THAP6: variants seen among roughly 807,000 people sequenced by gnomAD.
THAP6 encodes the protein THAP domain containing 6, also known as THAP domain-containing protein 6.
THAP6 carries 13 observed loss-of-function variants against 20.0 expected under a neutral mutation model. The ratio of observed to expected loss-of-function variants is 0.65; its 90% CI spans 0.42 to 1.03. The LOEUF is 1.03. Ranked by LOEUF, THAP6 falls within the 50% of genes least tolerant of loss-of-function variation. The probability of loss-of-function intolerance (pLI) is 0.00; values close to 1 mark genes in which losing one functional copy is unlikely to be tolerated. For synonymous variants in THAP6, 93 were observed against 92.2 expected, an observed-to-expected ratio of 1.01 and a Z score of -0.05; for missense variants, 262 against 261.6, an observed-to-expected ratio of 1.00 and a Z score of -0.01.
At position 75,514,501 on chromosome 4, in the gene THAP6, C is replaced by G. The variant is rs754627645; in HGVS notation, c.-40C>G. On this transcript the variant is annotated 5_prime_UTR_variant, in exon 1 of 5. Coordinates refer to ENST00000311638, the MANE Select transcript of THAP6 (RefSeq NM_144721.6). ...CGCAGTCTCCGTCGTTGACGTTAGT[C>G]GCAGTCTTCGCTGCTAACGGTAATA... 1 of 524,480 alleles carries G rather than the reference C, an allele frequency of 1.9e-6. No individual in the cohort carries two copies. The highest frequency in any genetic ancestry group is 2.9e-5 in the East Asian group (1 of 34,596). The allele number at this position is 524,480 out of a possible 1,614,324, so 32.5% of individuals were successfully genotyped here.
chr4:75,516,897 C>T lies in THAP6; in HGVS notation c.206C>T (p.Thr69Ile), dbSNP rs773676952. The part of the protein sequence containing the change: ...DVLCSRHFKK[T>I]DFDRSAPNIK... ...TTGTGTTCGAGGCACTTTAAGAAGA[C>T]AGATTTTGACAGAAGTGCTCCAAAT... Residue 69 changes from threonine (T) to isoleucine (I), a missense_variant, in exon 3 of 5, where the codon ACA (threonine) becomes ATA (isoleucine). By Grantham distance (89) the Thr-to-Ile change is moderately conservative. Transcript: ENST00000311638. 2 of 1,613,840 alleles carry T rather than the reference C, an allele frequency of 1.2e-6. No individual in the cohort carries two copies. Among genetic ancestry groups the T allele is most frequent in the Non-Finnish European group, 1.7e-6 (2 of 1,179,982 alleles).
At position 75,518,118 on chromosome 4, in the gene THAP6, G is replaced by A. The variant is rs539406941; in HGVS notation, c.288+1139G>A. 1.5e-4 allele frequency among the ~76,000 whole-genome samples: 23 copies of A among 152,280 alleles called. No individual in the cohort carries two copies. In the South Asian group the frequency reaches 4.6e-3, roughly 30 times the overall value. ...AATATACAGTATCTTGGGAAAGTTGGTCTAGGGCTTTTGTTTTTTTTCCTA... is the reference window on the plus strand; with the variant it reads ...AATATACAGTATCTTGGGAAAGTTGATCTAGGGCTTTTGTTTTTTTTCCTA... On this transcript the variant is annotated intron_variant, in intron 3 of 4. Transcript: ENST00000311638.
At chr4:75,538,733 C>T (rs1266155147) in intron 2 of THAP6, among the ~76,000 whole-genome samples, 2 of 152,194 alleles carry the variant, frequency 1.3e-5, no homozygotes, top group Non-Finnish European at 2.9e-5. Flanking sequence ...AGAACACGCT[C>T]AAGATAAACA....
chr4:75,530,206 G>A (rs1248652949), downstream of THAP6, among the ~76,000 whole-genome samples: 1 of 152,098 alleles, frequency 6.6e-6, no homozygotes, highest in Non-Finnish European at 1.5e-5. Context: ...CTATCATAGA[G>A]CCCTTTTCTG....
intron 4 of THAP6, among the ~76,000 whole-genome samples, chr4:75,524,871 T>C (rs1726269086): frequency 6.6e-6 from 1 of 152,144 alleles, no homozygotes; most frequent in African/African-American, 2.4e-5. Context: ...TCCCTCCACC[T>C]CAGCCTCCTG....
At chr4:75,544,865 T>G (rs1251244427) in intron 3 of THAP6, among the ~76,000 whole-genome samples, 1 of 152,102 alleles carries the variant, frequency 6.6e-6, no homozygotes, top group Non-Finnish European at 1.5e-5. Context: ...TGGGTGAATT[T>G]TAAGGATACT....
Position 75,529,533 on chromosome 4 carries a change from G to C in THAP6, c.*2319G>C, listed in dbSNP as rs1308302921. 2.6e-5 allele frequency: 26 copies of C among 985,336 alleles called. No individual in the cohort carries two copies. The highest frequency in any genetic ancestry group is 6.0e-6 in the Non-Finnish European group (5 of 829,948). 61.0% of individuals were successfully genotyped at this position (985,336 alleles called of 1,614,324 possible). A position where few individuals can be genotyped will look rare whatever the true frequency, so the allele number is the denominator to read the frequency against. On this transcript the variant is annotated 3_prime_UTR_variant, in exon 5 of 5. Transcript: ENST00000311638. Reference sequence around the variant, plus strand: ...GGGAAGCAATTACTGATAGAAATGTGAGATTAAAAATAGGGTCCTCCCTGC... The same window carrying C: ...GGGAAGCAATTACTGATAGAAATGTCAGATTAAAAATAGGGTCCTCCCTGC...
chr4:75,515,041 G>C (rs1435804673), intron 1 of THAP6: 1 of 185,472 alleles, frequency 5.4e-6, no homozygotes, highest in Non-Finnish European at 1.2e-5. Context: ...TGTCCTGTGA[G>C]AGCTAATATT....
chr4:75,514,633 G>A (rs1214417644), intron 1 of THAP6, 113 bp downstream of exon 1: 2 of 216,890 alleles, frequency 9.2e-6, no homozygotes, highest in Non-Finnish European at 1.9e-5. Flanking sequence ...TGGCCCCAGA[G>A]GAAAGGACGC....
downstream of THAP6, among the ~76,000 whole-genome samples, chr4:75,531,161 A>C (rs889179731): frequency 1.3e-5 from 2 of 152,214 alleles, no homozygotes; most frequent in South Asian, 2.1e-4. Flanking sequence ...TGTACAGACA[A>C]GGTGGTTTAT....
In THAP6 at chr4:75,529,574, C is replaced by T. The variant is rs1184670943; in HGVS notation, c.*2360C>T. The stretch of plus-strand genomic sequence containing the variant: ...TCCTCCCTGCTGCTCCAAACAAATG[C>T]CTAAACACAGTATGTATCTCAGTCC... On this transcript the variant is annotated 3_prime_UTR_variant, in exon 5 of 5. Coordinates refer to ENST00000311638, the MANE Select transcript of THAP6 (RefSeq NM_144721.6). The T allele has an allele frequency of 2.0e-6, 2 of 985,304 alleles. No individual in the cohort carries two copies. The highest frequency in any genetic ancestry group is 3.5e-5 in the African/African-American group (2 of 57,230). The allele number at this position is 985,304 out of a possible 1,614,324, so 61.0% of individuals were successfully genotyped here.
At chr4:75,525,920 A>G (rs981769957) in intron 4 of THAP6, among the ~76,000 whole-genome samples, 1 of 152,108 alleles carries the variant, frequency 6.6e-6, no homozygotes, top group African/African-American at 2.4e-5. Context: ...TAGTTTCCTC[A>G]TGTGCATGTG....
At chr4:75,521,495 A>G (rs546943088) in intron 3 of THAP6, among the ~76,000 whole-genome samples, 4 of 152,184 alleles carry the variant, frequency 2.6e-5, no homozygotes, top group African/African-American at 9.6e-5. Context: ...ACTGTATATT[A>G]TATTTTTAAT....
downstream of THAP6, among the ~76,000 whole-genome samples, chr4:75,532,272 G>A (rs928285944): frequency 6.6e-6 from 1 of 152,204 alleles, no homozygotes; most frequent in African/African-American, 2.4e-5. Flanking sequence ...AAGTCCAGCA[G>A]GGCAGGCAAA....
chr4:75,540,016 C>G, intron 2 of THAP6: 57 of 1,516,086 alleles, frequency 3.8e-5, no homozygotes, highest in Non-Finnish European at 5.0e-5. Flanking sequence ...CAGAAGCAGG[C>G]AAGGAACATT....
Position 75,529,569 on chromosome 4 carries a change from A to G in THAP6, c.*2355A>G, listed in dbSNP as rs888488797. The G allele has an allele frequency of 4.1e-6, 4 of 985,356 alleles. No individual in the cohort carries two copies. The African/African-American group carries it at 7.0e-5, about 17-fold the overall frequency. The allele number at this position is 985,356 out of a possible 1,614,324, so 61.0% of individuals were successfully genotyped here. ...TAGGGTCCTCCCTGCTGCTCCAAAC[A>G]AATGCCTAAACACAGTATGTATCTC... On this transcript the variant is annotated 3_prime_UTR_variant, in exon 5 of 5. Transcript: ENST00000311638.
upstream of THAP6, chr4:75,514,402 A>G: frequency 1.7e-6 from 2 of 1,148,588 alleles, no homozygotes; most frequent in Non-Finnish European, 2.4e-6. Flanking sequence ...TAGCGACAAT[A>G]TGGCTCCTAA....
rs1466717631 is a variant in THAP6 at position 75,529,979 on chromosome 4, G to A, written c.*2765G>A. The A allele has an allele frequency of 2.2e-6, 2 of 892,994 alleles. No homozygotes were observed. The highest frequency in any genetic ancestry group is 1.8e-5 in the African/African-American group (1 of 55,234). 55.3% of individuals were successfully genotyped at this position (892,994 alleles called of 1,614,324 possible). A position where few individuals can be genotyped will look rare whatever the true frequency, so the allele number is the denominator to read the frequency against. On this transcript the variant is annotated 3_prime_UTR_variant, in exon 5 of 5. Transcript: ENST00000311638. ...TTATTACAGAAATAATTGAGAGAGA[G>A]AAAATCTATTATAATTTATTTGAAA...
rs529674611 is a variant in THAP6 at position 75,520,657 on chromosome 4, C to T, written c.289-1079C>T. Among the ~76,000 whole-genome samples the T allele has an allele frequency of 2.0e-5, 3 of 152,232 alleles. No homozygotes were observed. The South Asian group carries it at 6.2e-4, about 32-fold the overall frequency. On this transcript the variant is annotated intron_variant, in intron 3 of 4. Coordinates refer to ENST00000311638, the MANE Select transcript of THAP6 (RefSeq NM_144721.6). ...TGGCTTATATCCTTATTTCCTTGAA[C>T]TAAATTCTGCAAATAAAATTGTTGG... is the stretch of plus-strand genomic sequence containing the variant.
Sources: allele counts gnomAD v4.1 joint callset (sites outside exome capture counted in the v4.1 genomes callset), GRCh38; gene constraint gnomAD v4.1.1; transcripts MANE v1.5; gene names NCBI Gene and HGNC (gene_info 2026-07-23, HGNC 2026-07-21).